The following TRHDE variants were observed in gnomAD, a reference collection of about 807,000 sequenced individuals.
The protein encoded by TRHDE is thyrotropin-releasing hormone-degrading ectoenzyme.
TRHDE carries 72 observed loss-of-function variants against 125.7 expected under a neutral mutation model. That is an observed-to-expected ratio of 0.57 (90% CI 0.47 to 0.70). TRHDE has a LOEUF of 0.70. Among genes scored for constraint, TRHDE ranks in the 30% least tolerant of loss-of-function variants. The pLI is 0.00. For missense variants in TRHDE, 1,110 were observed against 1,327.1 expected (o/e 0.84, Z 2.54); for synonymous variants, 509 against 509.1 (o/e 1.00, Z 0.00).
At chr12:72,407,824 G>A (rs1873331394) in intron 3 of TRHDE, among the ~76,000 whole-genome samples, 1 of 152,158 alleles carries the variant, frequency 6.6e-6, no homozygotes, top group Non-Finnish European at 1.5e-5. Flanking sequence ...GAACCCCAAG[G>A]AATGAGAAGT....
chr12:72,394,244 C>T (rs182249590), intron 3 of TRHDE, among the ~76,000 whole-genome samples: 35 of 152,134 alleles, frequency 2.3e-4, no homozygotes, highest in Middle Eastern at 6.8e-3. Flanking sequence ...ATTAATAGTC[C>T]AATTAACAGT....
intron 2 of TRHDE, among the ~76,000 whole-genome samples, chr12:72,333,717 C>T (rs1449113303): frequency 1.3e-5 from 2 of 152,206 alleles, no homozygotes; most frequent in Non-Finnish European, 2.9e-5. Context: ...ACAAAAATAT[C>T]TTAACACCAT....
At chr12:72,574,719 CAAGT>C (rs1870907975) in intron 10 of TRHDE, among the ~76,000 whole-genome samples, 1 of 151,914 alleles carries the variant, frequency 6.6e-6, no homozygotes, top group Non-Finnish European at 1.5e-5. Flanking sequence ...AAATCTTGAA[CAAGT>C]AAGATTTATT....
rs376190433 is a variant in TRHDE at position 72,378,888 on chromosome 12, C to T, written c.1315+767C>T. 4.6e-5 allele frequency among the ~76,000 whole-genome samples: 7 copies of T among 152,216 alleles called. No individual in the cohort carries two copies. In the South Asian group the frequency reaches 1.2e-3, roughly 27 times the overall value. On this transcript the variant is annotated intron_variant, in intron 3 of 18. Coordinates refer to ENST00000261180, the MANE Select transcript of TRHDE (RefSeq NM_013381.3). Reference sequence around the variant, plus strand: ...TGCTGCTTTTGCCAGGGAGTCAACACGATTTTCCAGGAAGTTAAAAGAGTA... The same window carrying T: ...TGCTGCTTTTGCCAGGGAGTCAACATGATTTTCCAGGAAGTTAAAAGAGTA...
Position 72,272,882 on chromosome 12 carries a change from C to T in TRHDE, c.239C>T (p.Ala80Val). Residue 80 changes from alanine to valine, a missense_variant, in exon 1 of 19, where the codon GCC (alanine) becomes GTC (valine). Ala to Val is a moderately conservative substitution (Grantham distance 64, BLOSUM62 0). Transcript: ENST00000261180. The surrounding 1 kb of genome is among the most constrained non-coding windows in gnomAD (Gnocchi z 6.7). Reference sequence around the variant, plus strand: ...CCCCGCACCACGGAGCGCCACATCGCCGTACACAAGCGGCTTGTGCTGGCC... The same window carrying T: ...CCCCGCACCACGGAGCGCCACATCGTCGTACACAAGCGGCTTGTGCTGGCC... ...VRPRTTERHI[A>V]VHKRLVLAFA... is the part of the protein sequence containing the mutation. 1.9e-6 allele frequency: 3 copies of T among 1,580,616 alleles called. No homozygotes were observed. The highest frequency in any genetic ancestry group is 2.6e-6 in the Non-Finnish European group (3 of 1,171,266).
intron 6 of TRHDE, 143 bp downstream of exon 6, chr12:72,499,778 GTCATTTTATGAGCTACAGCTTTGCTTTA>G: frequency 1.1e-6 from 1 of 899,480 alleles, no homozygotes; most frequent in Non-Finnish European, 1.6e-6. Flanking sequence ...CTAGGTTCGT[GTCATTTTATGAGCTACAGCTTTGCTTTA>G]AAAGTTGGCA....
At chr12:72,237,873 A>G (rs1022432057) in intron 2 of TRHDE, among the ~76,000 whole-genome samples, 1 of 152,148 alleles carries the variant, frequency 6.6e-6, no homozygotes, top group Non-Finnish European at 1.5e-5. Context: ...TGGGATCTGG[A>G]AAAGAGCCAT....
At chr12:72,650,151 GGATA>G (rs1343293552) in intron 15 of TRHDE, among the ~76,000 whole-genome samples, 1 of 152,044 alleles carries the variant, frequency 6.6e-6, no homozygotes, top group Non-Finnish European at 1.5e-5. Flanking sequence ...ACAGATGGAT[GGATA>G]AAGGAAACGT....
At chr12:72,331,146 C>T (rs1185114763) in intron 2 of TRHDE, among the ~76,000 whole-genome samples, 1 of 152,178 alleles carries the variant, frequency 6.6e-6, no homozygotes. Flanking sequence ...TTGGGTGTAT[C>T]ATTTACTCTC....
At chr12:72,423,834 G>A (rs1471521905) in intron 3 of TRHDE, among the ~76,000 whole-genome samples, 1 of 152,052 alleles carries the variant, frequency 6.6e-6, no homozygotes, top group Non-Finnish European at 1.5e-5. Context: ...GAGAGGCAAT[G>A]TGATGATGGA....
At chr12:72,404,665 A>T (rs146993056) in intron 3 of TRHDE, among the ~76,000 whole-genome samples, 1 of 152,116 alleles carries the variant, frequency 6.6e-6, no homozygotes, top group Admixed American at 6.5e-5. Flanking sequence ...GAAACTTACT[A>T]TCATGACAAC....
chr12:72,469,334 T>C (rs887312005), intron 3 of TRHDE, among the ~76,000 whole-genome samples: 2 of 152,312 alleles, frequency 1.3e-5, no homozygotes, highest in African/African-American at 4.8e-5. Context: ...AAAACAGATA[T>C]AAAATGTTTT....
intron 2 of TRHDE, 39 bp downstream of exon 2, chr12:72,286,993 A>G (rs960611293): frequency 5.0e-6 from 8 of 1,594,914 alleles, no homozygotes; most frequent in Non-Finnish European, 6.8e-6. Context: ...TGGATAATGT[A>G]CACTCTGTAA....
At chr12:72,269,345 A>C (rs2139400560), upstream of TRHDE, among the ~76,000 whole-genome samples, 1 of 152,300 alleles carries the variant, frequency 6.6e-6, no homozygotes, top group Non-Finnish European at 1.5e-5. Context: ...TTTAAGGGGA[A>C]TCCATGAGCT....
intron 2 of TRHDE, among the ~76,000 whole-genome samples, chr12:72,216,354 G>A (rs893151303): frequency 1.3e-5 from 2 of 152,086 alleles, no homozygotes; most frequent in African/African-American, 4.8e-5. Context: ...AATCCTTTTG[G>A]TAGATGTAGG....
At chr12:72,374,735 G>T (rs185378093) in intron 2 of TRHDE, among the ~76,000 whole-genome samples, 127 of 152,258 alleles carry the variant, frequency 8.3e-4, no homozygotes, top group African/African-American at 2.9e-3. Context: ...ACTGAGAACT[G>T]ACTGTTGGAT....
chr12:72,510,126 T>C (rs1878522814), intron 6 of TRHDE, among the ~76,000 whole-genome samples: 1 of 152,170 alleles, frequency 6.6e-6, no homozygotes, highest in African/African-American at 2.4e-5. Context: ...CTCTCCTGCC[T>C]CAGGCACAAT....
rs1344598862 is a variant in TRHDE, at chr12:72,667,265, C to T, written c.*4070C>T. On this transcript the variant is annotated 3_prime_UTR_variant, in exon 19 of 19. Transcript: ENST00000261180. The stretch of plus-strand genomic sequence containing the variant: ...GGTACTCTCATGAAGTAACCATGTA[C>T]ACCTAATAAAGAAATAGTAAAAGCA... 2.0e-5 allele frequency: 3 copies of T among 151,768 alleles called. No homozygotes were observed. The highest frequency in any genetic ancestry group is 7.2e-5 in the African/African-American group (3 of 41,392). 9.4% of individuals were successfully genotyped at this position (151,768 alleles called of 1,614,324 possible). A position where few individuals can be genotyped will look rare whatever the true frequency, so the allele number is the denominator to read the frequency against.
intron 6 of TRHDE, among the ~76,000 whole-genome samples, chr12:72,520,566 G>A (rs574284774): frequency 9.9e-5 from 15 of 152,116 alleles, no homozygotes; most frequent in Admixed American, 3.9e-4. Flanking sequence ...AGATGAACCC[G>A]GTACCTCAGA....
Sources: gnomAD v4.1 joint callset for allele counts (sites outside exome capture counted in the v4.1 genomes callset) on GRCh38, gnomAD v4.1.1 for gene constraint, Gnocchi (gnomAD v3.1) non-coding constraint, MANE v1.5 for transcripts, NCBI Gene and HGNC (gene_info 2026-07-23, HGNC 2026-07-21) for gene names.